MAPK8IP3: variants seen among roughly 807,000 people sequenced by gnomAD.
The protein encoded by MAPK8IP3 is mitogen-activated protein kinase 8 interacting protein 3, also known as C-Jun-amino-terminal kinase-interacting protein 3.
A neutral mutation model predicts 157.8 loss-of-function variants in MAPK8IP3; 49 were observed. That is an observed-to-expected ratio of 0.31 (90% CI 0.25 to 0.39). The LOEUF (loss-of-function observed/expected upper bound fraction) is 0.39, where lower values mean the gene tolerates loss of function less well. Ranked by LOEUF, MAPK8IP3 falls within the 10% of genes least tolerant of loss-of-function variation. The pLI, the probability that MAPK8IP3 is intolerant of heterozygous loss-of-function variation, is 1.00. For missense variants in MAPK8IP3, 1,478 were observed against 1,889.4 expected, an observed-to-expected ratio of 0.78 and a Z score of 4.04; for synonymous variants, 897 against 777.7, an observed-to-expected ratio of 1.15 and a Z score of -2.55.
chr16:1,720,831 A>G (rs1397034502), intron 1 of MAPK8IP3, among the ~76,000 whole-genome samples: 1 of 151,628 alleles, frequency 6.6e-6, no homozygotes, highest in Non-Finnish European at 1.5e-5. Flanking sequence ...TCAGGGGATC[A>G]AGACCATCCT....
intron 5 of MAPK8IP3, chr16:1,744,706 C>T: frequency 2.0e-6 from 2 of 985,452 alleles, no homozygotes; most frequent in Middle Eastern, 5.2e-4. Context: ...GGCCTCCGGG[C>T]TGCCTCTCGC....
At chr16:1,712,939 C>G (rs1377889909) in intron 1 of MAPK8IP3, among the ~76,000 whole-genome samples, 1 of 152,260 alleles carries the variant, frequency 6.6e-6, no homozygotes, top group East Asian at 1.9e-4. Flanking sequence ...TCCCTGCCAA[C>G]AAGGGGCCGG....
At chr16:1,757,917 G>A (rs899037911) in intron 8 of MAPK8IP3, among the ~76,000 whole-genome samples, 19 of 152,244 alleles carry the variant, frequency 1.2e-4, no homozygotes, top group Admixed American at 6.5e-4. Flanking sequence ...CGGCAACACA[G>A]CCCTGGGCTG....
At position 1,768,200 on chromosome 16, in the gene MAPK8IP3, C is replaced by A; in HGVS notation, c.3564C>A (p.Ala1188=). Residue 1188 remains alanine, a splice_region_variant and synonymous_variant, in exon 30 of 32, where the codon GCC becomes GCA. Transcript: ENST00000610761. The stretch of plus-strand genomic sequence containing the variant: ...CGCCTCTGGGTTCTCTCCCTGCAGC[C>A]AATAAGACATCCCCCACCTCTGGGG... The part of the protein sequence containing the change: ...LHRGQLLGLR[A]NKTSPTSGEG... The A allele has an allele frequency of 6.2e-7, 1 of 1,612,286 alleles. No individual in the cohort carries two copies. The highest frequency in any genetic ancestry group is 8.5e-7 in the Non-Finnish European group (1 of 1,179,770).
intron 2 of MAPK8IP3, among the ~76,000 whole-genome samples, chr16:1,726,251 C>A (rs1567148783): frequency 6.6e-6 from 1 of 152,224 alleles, no homozygotes. Flanking sequence ...AAACCTAAGA[C>A]CCGTGCTGAG....
At chr16:1,758,544 TC>T (rs1418027416) in intron 9 of MAPK8IP3, among the ~76,000 whole-genome samples, 1 of 151,878 alleles carries the variant, frequency 6.6e-6, no homozygotes, top group African/African-American at 2.4e-5. Flanking sequence ...CGGGGTCCCC[TC>T]CCCACGTGGG....
rs2040684984 is a variant in MAPK8IP3, at chr16:1,741,591, C to A, written c.603-1741C>A. Among the ~76,000 whole-genome samples the A allele has an allele frequency of 6.6e-6, 1 of 152,108 alleles. No homozygotes were observed. Among genetic ancestry groups the A allele is most frequent in the South Asian group, 2.1e-4 (1 of 4,832 alleles). ...CGTCAGAACTGGGCCTCAGCAGAGG[C>A]GCTCCCCGCACCAGCGTTGGGAGCG... On this transcript the variant is annotated intron_variant, in intron 4 of 31. Transcript: ENST00000610761. The surrounding 1 kb of genome is among the most constrained non-coding windows in gnomAD (Gnocchi z 6.9).
intron 1 of MAPK8IP3, among the ~76,000 whole-genome samples, chr16:1,712,191 A>AGCTGAGACTACAGGTGCCC (rs2037834645): frequency 6.7e-6 from 1 of 149,984 alleles, no homozygotes; most frequent in Non-Finnish European, 1.5e-5. Flanking sequence ...CCTCCCGAGT[A>AGCTGAGACTACAGGTGCCC]GCTGAGACTA....
chr16:1,716,711 T>A (rs1056369658), intron 1 of MAPK8IP3, among the ~76,000 whole-genome samples: 1 of 151,214 alleles, frequency 6.6e-6, no homozygotes, highest in Non-Finnish European at 1.5e-5. Context: ...GTTAGGAGTT[T>A]GAGACCAGCC....
At position 1,706,817 on chromosome 16, in the gene MAPK8IP3, C is replaced by T. The variant is rs2037421532; in HGVS notation, c.318+160C>T. ...CCCGCCCCGAGACCCGCCTGGACCCCATATCCCCCGCCCCGGGACTTCCCC... is the reference window on the plus strand; with the variant it reads ...CCCGCCCCGAGACCCGCCTGGACCCTATATCCCCCGCCCCGGGACTTCCCC... On this transcript the variant is annotated intron_variant, in intron 1 of 31. Coordinates refer to ENST00000610761, the MANE Select transcript of MAPK8IP3 (RefSeq NM_001318852.2). The surrounding 1 kb of genome is among the most constrained non-coding windows in gnomAD (Gnocchi z 5.1). 2.0e-5 allele frequency among the ~76,000 whole-genome samples: 3 copies of T among 149,030 alleles called. No homozygotes were observed. Among genetic ancestry groups the T allele is most frequent in the South Asian group, 2.2e-4 (1 of 4,580 alleles).
chr16:1,757,261 G>C (rs1191729822), intron 8 of MAPK8IP3, among the ~76,000 whole-genome samples: 1 of 152,082 alleles, frequency 6.6e-6, no homozygotes, highest in African/African-American at 2.4e-5. Context: ...CCCGCTACCA[G>C]GTCTGGCTGA....
At position 1,766,851 on chromosome 16, in the gene MAPK8IP3, G is replaced by A. The variant is rs767811971; in HGVS notation, c.3020+48G>A. 4 of 1,611,934 alleles carry A rather than the reference G, an allele frequency of 2.5e-6. No homozygotes were observed. The South Asian group carries it at 3.3e-5, about 13-fold the overall frequency. ...CCGGGCGGCGCGGGGGAACGGGGCGGAGGGGGCTGGCACAGCCTGGCCCAA... is the reference window on the plus strand; with the variant it reads ...CCGGGCGGCGCGGGGGAACGGGGCGAAGGGGGCTGGCACAGCCTGGCCCAA... On this transcript the variant is annotated intron_variant, in intron 24 of 31. Coordinates refer to ENST00000610761, the MANE Select transcript of MAPK8IP3 (RefSeq NM_001318852.2).
At position 1,741,935 on chromosome 16, in the gene MAPK8IP3, C is replaced by T. The variant is rs1361123161; in HGVS notation, c.603-1397C>T. On this transcript the variant is annotated intron_variant, in intron 4 of 31. Coordinates refer to ENST00000610761, the MANE Select transcript of MAPK8IP3 (RefSeq NM_001318852.2). The surrounding 1 kb of genome is among the most constrained non-coding windows in gnomAD (Gnocchi z 6.9). ...GGGTCATTCTTCATAGCTCCCCACC[C>T]AGGTAGCGGAGCTCCTGGTCAGCGG... 1.3e-5 allele frequency among the ~76,000 whole-genome samples: 2 copies of T among 152,164 alleles called. No homozygotes were observed. Among genetic ancestry groups the T allele is most frequent in the Non-Finnish European group, 2.9e-5 (2 of 68,014 alleles).
In MAPK8IP3 at chr16:1,738,440, C is replaced by G. The variant is rs553933647; in HGVS notation, c.603-4892C>G. 1.8e-4 allele frequency among the ~76,000 whole-genome samples: 14 copies of G among 78,838 alleles called. 1 individual carries two copies. In the East Asian group the frequency reaches 4.4e-3, roughly 25 times the overall value. The allele number at this position is 78,838 out of a possible 152,430, so 51.7% of individuals were successfully genotyped here. A position where few individuals can be genotyped will look rare whatever the true frequency, so the allele number is the denominator to read the frequency against. ...AGCGTGTGACCGTGTGAGAGAGTGA[C>G]CATCCATGTGAGCATGTGTGACCGT... On this transcript the variant is annotated intron_variant, in intron 4 of 31. Transcript: ENST00000610761.
chr16:1,750,229 T>C (rs2141874572), intron 8 of MAPK8IP3, among the ~76,000 whole-genome samples: 1 of 152,056 alleles, frequency 6.6e-6, no homozygotes, highest in South Asian at 2.1e-4. Flanking sequence ...TTTATTTATT[T>C]CTTAGACAAA....
intron 4 of MAPK8IP3, among the ~76,000 whole-genome samples, chr16:1,731,512 C>G (rs1037782163): frequency 6.6e-6 from 1 of 152,220 alleles, no homozygotes; most frequent in African/African-American, 2.4e-5. Context: ...CAGGCAGTGT[C>G]ACGTGTCACG....
Position 1,763,640 on chromosome 16 carries a change from A to C in MAPK8IP3, c.1899-17A>C, listed in dbSNP as rs371467465. 17 of 1,542,004 alleles carry C rather than the reference A, an allele frequency of 1.1e-5. No homozygotes were observed. The highest frequency in any genetic ancestry group is 7.7e-5 in the Admixed American group (4 of 51,960). On this transcript the variant is annotated splice_polypyrimidine_tract_variant and intron_variant, in intron 16 of 31. Coordinates refer to ENST00000610761, the MANE Select transcript of MAPK8IP3 (RefSeq NM_001318852.2). ...CTCACCCTGGACAGAGACATCACCC[A>C]TCATTCTTCCACTCAGCGACTGCAC...
chr16:1,761,711 G>A (rs559941051), intron 13 of MAPK8IP3, among the ~76,000 whole-genome samples: 8 of 150,508 alleles, frequency 5.3e-5, no homozygotes, highest in East Asian at 3.9e-4. Context: ...ATTCCCAGGC[G>A]GGGCGGCCAC....
intron 1 of MAPK8IP3, among the ~76,000 whole-genome samples, chr16:1,722,423 G>A (rs1429160072): frequency 2.0e-5 from 3 of 152,180 alleles, no homozygotes; most frequent in East Asian, 1.9e-4. Context: ...AAGAAGCGTC[G>A]AGGAGCCTAG....
Sources: gnomAD v4.1 joint callset for allele counts (sites outside exome capture counted in the v4.1 genomes callset) on GRCh38, gnomAD v4.1.1 for gene constraint, Gnocchi (gnomAD v3.1) non-coding constraint, MANE v1.5 for transcripts, NCBI Gene and HGNC (gene_info 2026-07-23, HGNC 2026-07-21) for gene names.